AKR1B1: variants seen among roughly 807,000 people sequenced by gnomAD.
The protein encoded by AKR1B1 is aldo-keto reductase family 1 member B.
AKR1B1 carries 22 observed loss-of-function variants against 40.4 expected under a neutral mutation model. That is an observed-to-expected ratio of 0.54 (90% CI 0.39 to 0.78). The LOEUF (loss-of-function observed/expected upper bound fraction) is 0.78. AKR1B1 is among the 30% of genes least tolerant of loss of function. The pLI is 0.00. For synonymous variants in AKR1B1, 157 were observed against 149.9 expected, an observed-to-expected ratio of 1.05 and a Z score of -0.35; for missense variants, 357 against 396.7, an observed-to-expected ratio of 0.90 and a Z score of 0.85.
intron 1 of AKR1B1, among the ~76,000 whole-genome samples, chr7:134,454,747 C>T (rs527481238): frequency 2.0e-5 from 3 of 152,288 alleles, no homozygotes; most frequent in Non-Finnish European, 2.9e-5. Flanking sequence ...GGTAAAGAAA[C>T]GGTCCTGAGT....
chr7:134,443,196 G>A (rs1022932815), intron 9 of AKR1B1, among the ~76,000 whole-genome samples: 1 of 152,228 alleles, frequency 6.6e-6, no homozygotes, highest in Non-Finnish European at 1.5e-5. Flanking sequence ...GATCACTTGA[G>A]GCTAGGGGTT....
At position 134,451,855 on chromosome 7, in the gene AKR1B1, T is replaced by C. The variant is rs532815662; in HGVS notation, c.67-102A>G. 1.5e-5 allele frequency: 20 copies of C among 1,339,952 alleles called. No homozygotes were observed. In the East Asian group the frequency reaches 4.7e-4, roughly 32 times the overall value. The allele number at this position is 1,339,952 out of a possible 1,614,324, so 83.0% of individuals were successfully genotyped here. A position where few individuals can be genotyped will look rare whatever the true frequency, so the allele number is the denominator to read the frequency against. The stretch of plus-strand genomic sequence containing the variant: ...ATACCTGCTGACCAGCCTGCCACTT[T>C]GTTCAGCAAAGACAGACCACGTGCA... On this transcript the variant is annotated intron_variant, in intron 1 of 9. Coordinates refer to ENST00000285930, the MANE Select transcript of AKR1B1 (RefSeq NM_001628.4).
rs1404325639 is a variant in AKR1B1 at position 134,459,045 on chromosome 7, C to T, written c.18G>A (p.Leu6=). Residue 6 remains leucine, a synonymous_variant, in exon 1 of 10, where the codon CTG becomes CTA. Transcript: ENST00000285930. MASRL[L]LNNGAKMPIL... ...TGGGCATCTTGGCGCCGTTGTTGAGCAGGAGACGGCTTGCCATGGCTGCTG... is the reference window on the plus strand; with the variant it reads ...TGGGCATCTTGGCGCCGTTGTTGAGTAGGAGACGGCTTGCCATGGCTGCTG... The T allele has an allele frequency of 6.2e-7, 1 of 1,607,118 alleles. No homozygotes were observed. Among genetic ancestry groups the T allele is most frequent in the Non-Finnish European group, 8.5e-7 (1 of 1,177,408 alleles).
intron 2 of AKR1B1, 54 bp from the exon 3 acceptor site, chr7:134,450,956 G>T: frequency 6.8e-7 from 1 of 1,472,458 alleles, no homozygotes; most frequent in Non-Finnish European, 9.5e-7. Context: ...GCAGCTTCCT[G>T]GCTGGAAAGA....
intron 1 of AKR1B1, among the ~76,000 whole-genome samples, chr7:134,454,989 G>A (rs1376270828): frequency 6.6e-6 from 1 of 152,114 alleles, no homozygotes; most frequent in South Asian, 2.1e-4. Flanking sequence ...AAGAGATGGG[G>A]GCTTTAGAGA....
chr7:134,453,769 G>T lies in AKR1B1; in HGVS notation c.67-2016C>A, dbSNP rs535359753. Among the ~76,000 whole-genome samples, 79 of 152,266 alleles carry T rather than the reference G, an allele frequency of 5.2e-4. No homozygotes were observed. The South Asian group carries it at 0.015, about 29-fold the overall frequency. ...GTGTGCTGGGAGGCTGATCAAAGGT[G>T]CTGGAGGGAAAAAGTCACCTCTGCA... On this transcript the variant is annotated intron_variant, in intron 1 of 9. Coordinates refer to ENST00000285930, the MANE Select transcript of AKR1B1 (RefSeq NM_001628.4).
chr7:134,442,721 C>T lies in AKR1B1; in HGVS notation c.*7G>A. ...GGTCACTTGGGGACGAGCAGGCAAC[C>T]ACAGCTTCAAAACTCTTCATGGAAG... On this transcript the variant is annotated 3_prime_UTR_variant, in exon 10 of 10. Transcript: ENST00000285930. The T allele has an allele frequency of 1.9e-6, 3 of 1,614,058 alleles. No homozygotes were observed. The highest frequency in any genetic ancestry group is 2.5e-6 in the Non-Finnish European group (3 of 1,179,942).
Position 134,449,863 on chromosome 7 carries a change from G to T in AKR1B1, c.352-66C>A. ...AATAGTCCTTCACAGACCTGCTGGG[G>T]GAAGCTGGCATCTAAAACAATTCTA... On this transcript the variant is annotated intron_variant, in intron 3 of 9. Coordinates refer to ENST00000285930, the MANE Select transcript of AKR1B1 (RefSeq NM_001628.4). 4 of 1,344,350 alleles carry T rather than the reference G, an allele frequency of 3.0e-6. No individual in the cohort carries two copies. In the South Asian group the frequency reaches 3.5e-5, roughly 12 times the overall value. The allele number at this position is 1,344,350 out of a possible 1,614,324, so 83.3% of individuals were successfully genotyped here.
At chr7:134,447,829 G>C (rs528966222) in intron 7 of AKR1B1, 151 bp downstream of exon 7, 4 of 757,558 alleles carry the variant, frequency 5.3e-6, no homozygotes, top group Non-Finnish European at 9.4e-6. Context: ...CTAAAACCCC[G>C]ATCTGTGCCC....
Position 134,448,167 on chromosome 7 carries a change from TCTC to T in AKR1B1, c.660-109_660-107del, listed in dbSNP as rs377358758. 67 of 1,023,400 alleles carry T rather than the reference TCTC, an allele frequency of 6.5e-5. No individual in the cohort carries two copies. In the African/African-American group the frequency reaches 7.6e-4, roughly 12 times the overall value. The allele number at this position is 1,023,400 out of a possible 1,614,324, so 63.4% of individuals were successfully genotyped here. A position where few individuals can be genotyped will look rare whatever the true frequency, so the allele number is the denominator to read the frequency against. ...ATCGACCTCAGAGGGCAGCCACCAG[TCTC>T]CTCCTCAGAGCTGGGTTAAGAACCC... On this transcript the variant is annotated intron_variant, in intron 6 of 9. Coordinates refer to ENST00000285930, the MANE Select transcript of AKR1B1 (RefSeq NM_001628.4).
At chr7:134,451,335 G>T in intron 2 of AKR1B1, 1 of 581,888 alleles carries the variant, frequency 1.7e-6, no homozygotes, top group Non-Finnish European at 3.1e-6. Context: ...GGAAAGGGAG[G>T]GCCAATCCAC....
rs1806283456 is a variant in AKR1B1 at position 134,451,442 on chromosome 7, A to G, written c.234+144T>C. On this transcript the variant is annotated intron_variant, in intron 2 of 9. Coordinates refer to ENST00000285930, the MANE Select transcript of AKR1B1 (RefSeq NM_001628.4). ...GGATGGGCGAGCTCTGGAGCCCTGT[A>G]TGGCCGTGGGTGATACGTTTCCCCG... The G allele has an allele frequency of 1.2e-5, 12 of 1,014,110 alleles. No homozygotes were observed. In the East Asian group the frequency reaches 3.0e-4, roughly 26 times the overall value. The allele number at this position is 1,014,110 out of a possible 1,614,324, so 62.8% of individuals were successfully genotyped here.
intron 4 of AKR1B1, chr7:134,449,516 G>A (rs1039225574): frequency 6.1e-5 from 37 of 606,728 alleles, no homozygotes; most frequent in Middle Eastern, 4.2e-4. Flanking sequence ...GAACCCAGGA[G>A]GTGGAGCTTG....
At chr7:134,459,212 G>T (rs1806598623), upstream of AKR1B1, 7 of 911,754 alleles carry the variant, frequency 7.7e-6, no homozygotes, top group East Asian at 2.7e-5. Flanking sequence ...CGCTGGGGGT[G>T]CCGCGGCGGC....
At chr7:134,456,549 TCCATCCTTATAC>T (rs1806480614) in intron 1 of AKR1B1, among the ~76,000 whole-genome samples, 1 of 149,960 alleles carries the variant, frequency 6.7e-6, no homozygotes, top group African/African-American at 2.5e-5. Flanking sequence ...TGATTCCAAG[TCCATCCTTATAC>T]CATTACTTTG....
intron 9 of AKR1B1, among the ~76,000 whole-genome samples, chr7:134,443,295 C>T (rs1805996032): frequency 6.6e-6 from 1 of 152,062 alleles, no homozygotes; most frequent in Admixed American, 6.6e-5. Context: ...TGCCCATGGC[C>T]CCAGCTACTT....
chr7:134,449,621 A>C, intron 4 of AKR1B1, 99 bp downstream of exon 4: 1 of 994,838 alleles, frequency 1.0e-6, no homozygotes, highest in Non-Finnish European at 1.6e-6. Context: ...CAACAGGGAC[A>C]GAATAACAAA....
At chr7:134,445,861 T>G (rs747395770) in intron 8 of AKR1B1, among the ~76,000 whole-genome samples, 3 of 152,174 alleles carry the variant, frequency 2.0e-5, no homozygotes, top group Non-Finnish European at 4.4e-5. Flanking sequence ...AAAGGTATAC[T>G]GGGAGAAGAG....
intron 2 of AKR1B1, 89 bp from the exon 3 acceptor site, chr7:134,450,991 C>T (rs1806269223): frequency 2.8e-6 from 3 of 1,066,486 alleles, no homozygotes; most frequent in Non-Finnish European, 4.3e-6. Context: ...CTCCCCAAAA[C>T]CCATTTGCTT....
Sources: gnomAD v4.1 joint callset for allele counts (sites outside exome capture counted in the v4.1 genomes callset) on GRCh38, gnomAD v4.1.1 for gene constraint, MANE v1.5 for transcripts, NCBI Gene and HGNC (gene_info 2026-07-23, HGNC 2026-07-21) for gene names.